The following RANBP2 variants were observed in gnomAD, a reference collection of about 807,000 sequenced individuals.
RANBP2 encodes RAN binding protein 2.
A neutral mutation model predicts 303.6 loss-of-function variants in RANBP2; 57 were observed. That is an observed-to-expected ratio of 0.19 (90% CI 0.15 to 0.23). The LOEUF (loss-of-function observed/expected upper bound fraction) is 0.23. Among genes scored for constraint, RANBP2 ranks in the 10% least tolerant of loss-of-function variants. The pLI is 1.00. For missense variants in RANBP2, 3,138 were observed against 3,780.8 expected (o/e 0.83, Z 4.46); for synonymous variants, 1,167 against 1,301.5 (o/e 0.90, Z 2.23).
chr2:108,911,066 G>A, the RANBP2 span: 1 of 1,614,170 alleles, frequency 6.2e-7, no homozygotes, highest in Non-Finnish European at 8.5e-7. Flanking sequence ...TCCTTGGCCT[G>A]AGAGTTCTGT....
chr2:108,909,618 A>AG, the RANBP2 span, among the ~76,000 whole-genome samples: 150 of 152,336 alleles, frequency 9.8e-4, 4 homozygotes, highest in South Asian at 0.02. Context: ...GAGGCCTGGC[A>AG]GGGGGGTCCG....
At chr2:109,302,987 C>T in the RANBP2 span, among the ~76,000 whole-genome samples, 23 of 152,134 alleles carry the variant, frequency 1.5e-4, no homozygotes, top group African/African-American at 5.6e-4. Flanking sequence ...AGCGATTCTC[C>T]TGCCTCAGCC....
the RANBP2 span, among the ~76,000 whole-genome samples, chr2:109,579,017 A>T: frequency 6.6e-6 from 1 of 152,240 alleles, no homozygotes; most frequent in Non-Finnish European, 1.5e-5. Context: ...AAGATTAAAT[A>T]AATTGACAAC....
chr2:108,787,089 C>CTGCGGGGG (rs1553505325), downstream of RANBP2, among the ~76,000 whole-genome samples: 167 of 152,048 alleles, frequency 1.1e-3, 1 homozygote, highest in African/African-American at 3.8e-3. Context: ...GGGCGTTGCG[C>CTGCGGGGG]TGCGGGGGTG....
chr2:109,538,397 A>T, the RANBP2 span, among the ~76,000 whole-genome samples: 1 of 152,210 alleles, frequency 6.6e-6, no homozygotes, highest in Non-Finnish European at 1.5e-5. Context: ...AAGGCTGTGG[A>T]TGTCTCTCAG....
chr2:108,931,891 T>C, the RANBP2 span, among the ~76,000 whole-genome samples: 1 of 152,162 alleles, frequency 6.6e-6, no homozygotes, highest in Non-Finnish European at 1.5e-5. Flanking sequence ...TCTGGTTCAC[T>C]GTCCTCTTGC....
At position 108,768,336 on chromosome 2, in the gene RANBP2, C is replaced by T. The variant is rs1422555817; in HGVS notation, c.7797C>T (p.Ser2599=). Residue 2599 remains serine (S), a synonymous_variant, in exon 20 of 29, where the codon TCC becomes TCT. Transcript: ENST00000283195. ...SDSKVKNLFA[S]FPTEESSINY... is the part of the protein sequence containing the mutation. ...GCAAAGTCAAAAATCTCTTTGCTTC[C>T]TTTCCAACGGAAGAATCTTCAATCA... 3 of 1,611,844 alleles carry T rather than the reference C, an allele frequency of 1.9e-6. No homozygotes were observed. The highest frequency in any genetic ancestry group is 1.3e-5 in the African/African-American group (1 of 74,846).
chr2:109,466,889 G>C, the RANBP2 span, among the ~76,000 whole-genome samples: 2 of 152,108 alleles, frequency 1.3e-5, no homozygotes, highest in African/African-American at 4.8e-5. Context: ...GTGTATATGT[G>C]TGCATGTGTT....
chr2:109,004,560 T>G, the RANBP2 span, among the ~76,000 whole-genome samples: 1 of 152,102 alleles, frequency 6.6e-6, no homozygotes, highest in South Asian at 2.1e-4. Context: ...GGGAACAGAG[T>G]TGGGGGCACA....
At chr2:108,884,615 A>G in the RANBP2 span, 3 of 152,224 alleles carry the variant, frequency 2.0e-5, no homozygotes, top group South Asian at 2.1e-4. Flanking sequence ...GCTCCACATA[A>G]TAAACATCAG....
At chr2:109,169,173 T>C in the RANBP2 span, among the ~76,000 whole-genome samples, 1 of 152,240 alleles carries the variant, frequency 6.6e-6, no homozygotes, top group African/African-American at 2.4e-5. Context: ...TTAATAATAC[T>C]GAGTTGTGAC....
At chr2:109,272,668 C>T in the RANBP2 span, among the ~76,000 whole-genome samples, 12 of 152,356 alleles carry the variant, frequency 7.9e-5, no homozygotes, top group Non-Finnish European at 1.5e-4. Flanking sequence ...TCCACACCAG[C>T]GCTGAGTTGT....
chr2:108,907,666 ACT>A, the RANBP2 span, among the ~76,000 whole-genome samples: 2 of 151,214 alleles, frequency 1.3e-5, no homozygotes, highest in Admixed American at 6.6e-5. Flanking sequence ...AAAAAACAAA[ACT>A]CAAAAACGAA....
chr2:109,428,748 C>T, the RANBP2 span, among the ~76,000 whole-genome samples: 1 of 152,322 alleles, frequency 6.6e-6, no homozygotes, highest in African/African-American at 2.4e-5. Context: ...TCTGAGCATG[C>T]AGGGTGGCCT....
chr2:109,706,291 C>G, the RANBP2 span, among the ~76,000 whole-genome samples: 2 of 152,196 alleles, frequency 1.3e-5, no homozygotes, highest in Non-Finnish European at 2.9e-5. Context: ...AAAGTCTTAT[C>G]GGGAAAGAAG....
chr2:109,274,347 C>T, the RANBP2 span, among the ~76,000 whole-genome samples: 1 of 152,076 alleles, frequency 6.6e-6, no homozygotes, highest in African/African-American at 2.4e-5. Flanking sequence ...TCATAGCAGC[C>T]CTATTTACAC....
At chr2:109,131,800 TG>T in the RANBP2 span, among the ~76,000 whole-genome samples, 1 of 152,354 alleles carries the variant, frequency 6.6e-6, no homozygotes, top group African/African-American at 2.4e-5. Context: ...ACTTTCTTTA[TG>T]GGTGCATAGT....
the RANBP2 span, chr2:109,491,046 C>T: frequency 2.8e-6 from 3 of 1,063,738 alleles, no homozygotes; most frequent in Non-Finnish European, 3.8e-6. Flanking sequence ...TTAGGTTTAC[C>T]AGATGTACCT....
the RANBP2 span, among the ~76,000 whole-genome samples, chr2:109,630,685 A>C: frequency 6.6e-6 from 1 of 152,190 alleles, no homozygotes; most frequent in Non-Finnish European, 1.5e-5. Flanking sequence ...CACCTGACTG[A>C]TGATTTCCTA....
Sources: gnomAD v4.1 joint callset for allele counts (sites outside exome capture counted in the v4.1 genomes callset) on GRCh38, gnomAD v4.1.1 for gene constraint, MANE v1.5 for transcripts, NCBI Gene and HGNC (gene_info 2026-07-23, HGNC 2026-07-21) for gene names.